CPA6: variants seen among roughly 807,000 people sequenced by gnomAD.
CPA6 encodes carboxypeptidase B.
In CPA6, 58 loss-of-function variants were observed where a neutral mutation model predicts 63.3. The ratio of observed to expected loss-of-function variants is 0.92; its 90% CI spans 0.74 to 1.14. The LOEUF is 1.14. CPA6 is among the 50% of genes most tolerant of loss of function. CPA6 has a pLI of 0.00. For synonymous variants in CPA6, 185 were observed against 179.0 expected, an observed-to-expected ratio of 1.03 and a Z score of -0.27; for missense variants, 565 against 526.6, an observed-to-expected ratio of 1.07 and a Z score of -0.71.
At chr8:67,580,047 GT>G (rs1288467348) in intron 2 of CPA6, among the ~76,000 whole-genome samples, 1 of 152,196 alleles carries the variant, frequency 6.6e-6, no homozygotes, top group African/African-American at 2.4e-5. Context: ...TCAGAAGGTT[GT>G]TTATTGTCCA....
intron 8 of CPA6, among the ~76,000 whole-genome samples, chr8:67,446,672 T>C (rs547664446): frequency 2.9e-4 from 44 of 152,340 alleles, no homozygotes; most frequent in Non-Finnish European, 5.3e-4. Flanking sequence ...TGGGAGATCA[T>C]GGTTATTGTG....
At chr8:67,607,251 T>C (rs112422502) in intron 2 of CPA6, among the ~76,000 whole-genome samples, 4,345 of 80,422 alleles carry the variant, frequency 0.054, 361 homozygotes, top group African/African-American at 0.12. Context: ...TTCTTCTTCT[T>C]CTCCTCCTCC....
At chr8:67,728,077 C>CAA (rs35844429) in intron 1 of CPA6, among the ~76,000 whole-genome samples, 5 of 89,678 alleles carry the variant, frequency 5.6e-5, no homozygotes, top group Non-Finnish European at 4.9e-5. Flanking sequence ...GACTCTGTCT[C>CAA]AAAAAAAAAA....
At chr8:67,604,051 A>C (rs1439973257) in intron 2 of CPA6, among the ~76,000 whole-genome samples, 1 of 152,218 alleles carries the variant, frequency 6.6e-6, no homozygotes, top group Non-Finnish European at 1.5e-5. Flanking sequence ...TCAATTTCAA[A>C]ATATGTCAGC....
At chr8:67,460,169 G>A (rs1249568228) in intron 8 of CPA6, among the ~76,000 whole-genome samples, 1 of 152,136 alleles carries the variant, frequency 6.6e-6, no homozygotes, top group Non-Finnish European at 1.5e-5. Context: ...TAGACTATTA[G>A]TTCCTAAGAA....
intron 2 of CPA6, among the ~76,000 whole-genome samples, chr8:67,548,657 A>C (rs1368053204): frequency 6.6e-6 from 1 of 152,370 alleles, no homozygotes; most frequent in East Asian, 1.9e-4. Context: ...TTTTTAATGT[A>C]AGAAAAATGT....
intron 2 of CPA6, among the ~76,000 whole-genome samples, chr8:67,525,822 C>T (rs528024944): frequency 1.1e-4 from 17 of 152,184 alleles, no homozygotes; most frequent in East Asian, 5.8e-4. Flanking sequence ...AGCTAAATAA[C>T]GTGTACACAG....
chr8:67,597,476 G>C (rs978433101), intron 2 of CPA6, among the ~76,000 whole-genome samples: 5 of 152,204 alleles, frequency 3.3e-5, no homozygotes, highest in African/African-American at 1.2e-4. Flanking sequence ...TTACAGGCAG[G>C]AGCCACTGCG....
intron 1 of CPA6, among the ~76,000 whole-genome samples, chr8:67,631,864 T>C (rs768995091): frequency 6.6e-6 from 1 of 151,038 alleles, no homozygotes; most frequent in South Asian, 2.1e-4. Flanking sequence ...GCTGTAACAC[T>C]CACCGCAAAG....
intron 2 of CPA6, among the ~76,000 whole-genome samples, chr8:67,560,186 G>C (rs1479345195): frequency 9.5e-6 from 1 of 105,510 alleles, no homozygotes; most frequent in African/African-American, 4.0e-5. Flanking sequence ...TATTCCAGAT[G>C]TACTTTTGGC....
intron 8 of CPA6, among the ~76,000 whole-genome samples, chr8:67,476,320 C>T (rs1811236289): frequency 6.6e-6 from 1 of 152,068 alleles, no homozygotes; most frequent in African/African-American, 2.4e-5. Flanking sequence ...GGACACTTTC[C>T]ATGAAAATGT....
At chr8:67,441,510 C>T (rs1043238733) in intron 8 of CPA6, among the ~76,000 whole-genome samples, 1 of 152,050 alleles carries the variant, frequency 6.6e-6, no homozygotes, top group Non-Finnish European at 1.5e-5. Flanking sequence ...GAAAGTTCTG[C>T]GAAAGCATAA....
At chr8:67,620,392 C>T (rs1815051869) in intron 2 of CPA6, among the ~76,000 whole-genome samples, 1 of 152,152 alleles carries the variant, frequency 6.6e-6, no homozygotes, top group Non-Finnish European at 1.5e-5. Context: ...AGTGATTATT[C>T]AGGGCATGTA....
chr8:67,688,287 C>A (rs1164057729), intron 1 of CPA6, among the ~76,000 whole-genome samples: 1 of 152,130 alleles, frequency 6.6e-6, no homozygotes, highest in East Asian at 1.9e-4. Context: ...AGAAGTTTAA[C>A]CCAAATGACC....
intron 8 of CPA6, among the ~76,000 whole-genome samples, chr8:67,435,465 C>A (rs1328575104): frequency 2.0e-5 from 3 of 152,142 alleles, no homozygotes; most frequent in Non-Finnish European, 4.4e-5. Flanking sequence ...TCAGCCCCAG[C>A]CTCCTCAACC....
In CPA6 at chr8:67,667,280, C is replaced by T. The variant is rs527839748; in HGVS notation, c.117-43029G>A. Reference sequence around the variant, plus strand: ...CTTTATGTTTAACGATGCCACAGGCCGCTTGCTGACTGGGTCTTTGCCTCT... The same window carrying T: ...CTTTATGTTTAACGATGCCACAGGCTGCTTGCTGACTGGGTCTTTGCCTCT... On this transcript the variant is annotated intron_variant, in intron 1 of 10. Transcript: ENST00000297770. Among the ~76,000 whole-genome samples, 7 of 152,214 alleles carry T rather than the reference C, an allele frequency of 4.6e-5. No homozygotes were observed. In the South Asian group the frequency reaches 6.2e-4, roughly 14 times the overall value.
intron 6 of CPA6, among the ~76,000 whole-genome samples, chr8:67,500,455 CAT>C (rs1482149260): frequency 2.0e-5 from 3 of 151,928 alleles, no homozygotes; most frequent in Non-Finnish European, 2.9e-5. Context: ...CTGTGATTTG[CAT>C]ATGTTTTCTC....
intron 8 of CPA6, among the ~76,000 whole-genome samples, chr8:67,481,916 T>G (rs1007088599): frequency 3.3e-4 from 50 of 152,356 alleles, no homozygotes; most frequent in African/African-American, 1.1e-3. Flanking sequence ...CCAGGCTGCC[T>G]GCACTTCCCC....
At chr8:67,713,212 G>A (rs1192135611) in intron 1 of CPA6, among the ~76,000 whole-genome samples, 2 of 148,154 alleles carry the variant, frequency 1.3e-5, no homozygotes, top group East Asian at 2.0e-4. Context: ...CCGTGAACAA[G>A]GGAGGACTAC....
Sources: allele counts gnomAD v4.1 joint callset (sites outside exome capture counted in the v4.1 genomes callset), GRCh38; gene constraint gnomAD v4.1.1; transcripts MANE v1.5; gene names NCBI Gene and HGNC (gene_info 2026-07-23, HGNC 2026-07-21).